The following CDK13 variants were observed in gnomAD, a reference collection of about 807,000 sequenced individuals.
CDK13 encodes the protein cyclin dependent kinase 13, also known as cyclin-dependent kinase 13.
Under a neutral mutation model 137.6 loss-of-function variants are expected in CDK13, and 40 were observed. The observed-to-expected ratio is 0.29, with a 90% CI of 0.23 to 0.38. The LOEUF (loss-of-function observed/expected upper bound fraction) is 0.38. CDK13 is among the 10% of genes least tolerant of loss of function. The pLI, the probability that CDK13 is intolerant of heterozygous loss-of-function variation, is 1.00. For missense variants in CDK13, 1,704 were observed against 1,951.8 expected, an observed-to-expected ratio of 0.87 and a Z score of 2.39; for synonymous variants, 869 against 760.1, an observed-to-expected ratio of 1.14 and a Z score of -2.36.
chr7:40,050,232 C>A (rs373611598), intron 7 of CDK13, among the ~76,000 whole-genome samples: 1 of 152,106 alleles, frequency 6.6e-6, no homozygotes, highest in African/African-American at 2.4e-5. Context: ...GTTAGCAGAG[C>A]CAAGGGTGTA....
intron 5 of CDK13, among the ~76,000 whole-genome samples, chr7:40,038,168 A>G (rs17538006): frequency 0.022 from 3,342 of 152,050 alleles, 112 homozygotes; most frequent in African/African-American, 0.077. Context: ...TCATCCTCCA[A>G]TGTTTCTTTT....
chr7:40,035,440 C>T (rs1562741039), intron 5 of CDK13, among the ~76,000 whole-genome samples: 1 of 152,096 alleles, frequency 6.6e-6, no homozygotes, highest in African/African-American at 2.4e-5. Context: ...AGTGGCTCCC[C>T]ATAGCTCCCA....
intron 5 of CDK13, among the ~76,000 whole-genome samples, chr7:40,029,670 T>C (rs989860844): frequency 2.6e-5 from 4 of 152,058 alleles, no homozygotes; most frequent in African/African-American, 9.7e-5. Flanking sequence ...TTCTTTTTTT[T>C]GAGACAGCGT....
intron 5 of CDK13, among the ~76,000 whole-genome samples, chr7:40,013,796 A>G (rs1358861266): frequency 6.6e-6 from 1 of 152,208 alleles, no homozygotes; most frequent in Non-Finnish European, 1.5e-5. Context: ...ATTTAAGGAA[A>G]AAAACGATAA....
intron 5 of CDK13, among the ~76,000 whole-genome samples, chr7:40,039,654 A>G (rs1785562811): frequency 6.6e-6 from 1 of 151,024 alleles, no homozygotes; most frequent in African/African-American, 2.4e-5. Context: ...CTGGTCTCGA[A>G]CTCCTGACCT....
intron 5 of CDK13, among the ~76,000 whole-genome samples, chr7:40,045,623 G>A (rs1405926960): frequency 1.3e-5 from 2 of 150,152 alleles, no homozygotes; most frequent in African/African-American, 2.4e-5. Context: ...GTTTTTTTGC[G>A]GGGAGAAGAA....
At chr7:40,090,708 A>G (rs1212165745) in intron 12 of CDK13, among the ~76,000 whole-genome samples, 3 of 150,412 alleles carry the variant, frequency 2.0e-5, no homozygotes, top group Non-Finnish European at 4.4e-5. Flanking sequence ...AACATGGCAA[A>G]ACCCCGTCTC....
At chr7:40,010,285 A>G (rs1270037142) in intron 5 of CDK13, among the ~76,000 whole-genome samples, 1 of 152,104 alleles carries the variant, frequency 6.6e-6, no homozygotes, top group Non-Finnish European at 1.5e-5. Context: ...CCTCACATGC[A>G]CAGTTCATAC....
intron 3 of CDK13, chr7:39,999,152 G>A (rs949785326): frequency 8.0e-6 from 3 of 377,324 alleles, no homozygotes; most frequent in African/African-American, 4.2e-5. Flanking sequence ...TACAGAAGAA[G>A]AGTCAGTATG....
rs398040131 is a variant in CDK13, at chr7:40,047,012, CAAA to C, written c.2544-788_2544-786del. Among the ~76,000 whole-genome samples, 182 of 65,816 alleles carry C rather than the reference CAAA, an allele frequency of 2.8e-3. 1 individual carries two copies. Among genetic ancestry groups the C allele is most frequent in the Non-Finnish European group, 3.6e-3 (125 of 35,104 alleles). The allele number at this position is 65,816 out of a possible 152,430, so 43.2% of individuals were successfully genotyped here. A position where few individuals can be genotyped will look rare whatever the true frequency, so the allele number is the denominator to read the frequency against. ...TGACAAAGCAAGCAAGACTCGGTCT[CAAA>C]AAAAAAAAAAAAAAAAAAAATCTAA... On this transcript the variant is annotated intron_variant, in intron 6 of 13. Transcript: ENST00000181839.
rs539330883 is a variant in CDK13, at chr7:40,091,120, C to T, written c.3236-1665C>T. ...CAGCACTTTGGGAGGCTGAGGCGGG[C>T]GGATCATGAGGTCAGGAGATCGAGA... On this transcript the variant is annotated intron_variant, in intron 12 of 13. Coordinates refer to ENST00000181839, the MANE Select transcript of CDK13 (RefSeq NM_003718.5). Among the ~76,000 whole-genome samples, 36 of 150,376 alleles carry T rather than the reference C, an allele frequency of 2.4e-4. No individual in the cohort carries two copies. The East Asian group carries it at 4.8e-3, about 20-fold the overall frequency.
At chr7:40,079,031 T>G (rs1038863810) in intron 11 of CDK13, among the ~76,000 whole-genome samples, 180 bp downstream of exon 11, 40 of 152,116 alleles carry the variant, frequency 2.6e-4, no homozygotes, top group African/African-American at 9.4e-4. Flanking sequence ...GATGCTTGCT[T>G]AATGTTTACC....
chr7:39,963,642 C>G (rs1444696206), intron 1 of CDK13, among the ~76,000 whole-genome samples: 1 of 152,168 alleles, frequency 6.6e-6, no homozygotes, highest in East Asian at 1.9e-4. Flanking sequence ...ATTGCCCTGG[C>G]CAGAACTTCC....
At chr7:40,083,992 ACT>A (rs1786730693) in intron 11 of CDK13, among the ~76,000 whole-genome samples, 1 of 152,198 alleles carries the variant, frequency 6.6e-6, no homozygotes, top group Admixed American at 6.5e-5. Flanking sequence ...GGTGTATCAA[ACT>A]CTTTTGATCA....
intron 7 of CDK13, among the ~76,000 whole-genome samples, chr7:40,050,233 C>T (rs2150519074): frequency 6.6e-6 from 1 of 152,220 alleles, no homozygotes; most frequent in Admixed American, 6.5e-5. Context: ...TTAGCAGAGC[C>T]AAGGGTGTAT....
intron 1 of CDK13, among the ~76,000 whole-genome samples, chr7:39,960,076 C>CTTT (rs11367509): frequency 3.6e-5 from 5 of 139,136 alleles, no homozygotes; most frequent in Middle Eastern, 7.1e-3. Flanking sequence ...AAAGTTTTTT[C>CTTT]TTTTTTTTTT....
chr7:40,069,448 A>AG lies in CDK13; in HGVS notation c.2780+6351dup, dbSNP rs576133412. 1,078 of 351,122 alleles carry AG rather than the reference A, an allele frequency of 3.1e-3. 15 individuals are homozygous for AG. The highest frequency in any genetic ancestry group is 0.014 in the Middle Eastern group (37 of 2,578). The allele number at this position is 351,122 out of a possible 1,614,324, so 21.8% of individuals were successfully genotyped here. A position where few individuals can be genotyped will look rare whatever the true frequency, so the allele number is the denominator to read the frequency against. On this transcript the variant is annotated intron_variant, in intron 9 of 13. Transcript: ENST00000181839. ...CAGCTACTTCCTGCGCTTATGGTTT[A>AG]GGGTCCCATATGCTCTTAAGTTTTT...
intron 12 of CDK13, 79 bp downstream of exon 12, chr7:40,088,410 C>T: frequency 6.5e-6 from 7 of 1,070,370 alleles, no homozygotes. Flanking sequence ...AATGTTAAAG[C>T]ATCTTGTGGC....
intron 11 of CDK13, among the ~76,000 whole-genome samples, chr7:40,083,958 TG>T (rs1375052723): frequency 1.3e-5 from 2 of 152,206 alleles, no homozygotes; most frequent in Non-Finnish European, 2.9e-5. Flanking sequence ...AAGAAATACA[TG>T]GTATTCCTTT....
Sources: allele counts gnomAD v4.1 joint callset (sites outside exome capture counted in the v4.1 genomes callset), GRCh38; gene constraint gnomAD v4.1.1; transcripts MANE v1.5; gene names NCBI Gene and HGNC (gene_info 2026-07-23, HGNC 2026-07-21).